CTPS2: variants seen among roughly 807,000 people sequenced by gnomAD.
CTPS2 encodes the protein CTP synthase II.
In CTPS2, 19 loss-of-function variants were observed where a neutral mutation model predicts 46.8. That is an observed-to-expected ratio of 0.41 (90% CI 0.28 to 0.60). The LOEUF (loss-of-function observed/expected upper bound fraction) is 0.60. CTPS2 is among the 20% of genes least tolerant of loss of function. The pLI is 0.35. For missense variants in CTPS2, 286 were observed against 447.6 expected (o/e 0.64, Z 3.26); for synonymous variants, 151 against 165.2 (o/e 0.91, Z 0.66).
chrX:16,683,350 C>T (rs1922893822), intron 8 of CTPS2, 124 bp from the exon 9 acceptor site: 2 of 680,429 alleles, frequency 2.9e-6, no homozygotes, highest in Admixed American at 5.2e-5. Flanking sequence ...GTAGTCCTAG[C>T]TACTCAGGAG....
intron 17 of CTPS2, among the ~76,000 whole-genome samples, chrX:16,595,340 C>A (rs1337129087): frequency 9.0e-6 from 1 of 111,578 alleles, no homozygotes; most frequent in Non-Finnish European, 1.9e-5. Flanking sequence ...GATAGTGTGT[C>A]TCGCTCTGTC....
chrX:16,648,456 T>C (rs1932435932), intron 13 of CTPS2, among the ~76,000 whole-genome samples: 1 of 112,311 alleles, frequency 8.9e-6, no homozygotes, highest in East Asian at 2.8e-4. Flanking sequence ...TTCTTGCCAC[T>C]TTTCTGTAGA....
At chrX:16,620,866 T>A (rs1230863128) in intron 14 of CTPS2, among the ~76,000 whole-genome samples, 1 of 112,172 alleles carries the variant, frequency 8.9e-6, no homozygotes, top group African/African-American at 3.2e-5. Context: ...ACATTCAAAA[T>A]GTACTCCACC....
intron 14 of CTPS2, among the ~76,000 whole-genome samples, chrX:16,625,922 C>T (rs972609591): frequency 2.7e-5 from 3 of 111,025 alleles, no homozygotes; most frequent in Non-Finnish European, 3.8e-5. Context: ...GGGGGCATGG[C>T]GGGCCAAAAG....
At chrX:16,694,434 C>T (rs1165048747) in intron 4 of CTPS2, among the ~76,000 whole-genome samples, 3 of 111,452 alleles carry the variant, frequency 2.7e-5, no homozygotes, top group African/African-American at 9.8e-5. Context: ...GACTCTGACC[C>T]CCCACCTAAA....
chrX:16,691,421 A>G, intron 7 of CTPS2, 119 bp downstream of exon 7: 1 of 561,507 alleles, frequency 1.8e-6, no homozygotes, highest in Non-Finnish European at 3.0e-6. Context: ...TGGTTGGATC[A>G]GGGTTCCCCA....
intron 14 of CTPS2, among the ~76,000 whole-genome samples, chrX:16,620,744 G>A (rs1930781309): frequency 8.9e-6 from 1 of 112,100 alleles, no homozygotes; most frequent in Non-Finnish European, 1.9e-5. Flanking sequence ...CTTGCCCAAA[G>A]CCCTGCCTTG....
intron 1 of CTPS2, among the ~76,000 whole-genome samples, chrX:16,711,160 A>G (rs1925439672): frequency 8.9e-6 from 1 of 112,500 alleles, no homozygotes; most frequent in African/African-American, 3.2e-5. Context: ...TTAAGTTTCT[A>G]GTAGCCATAT....
At chrX:16,635,172 T>C (rs749227340) in intron 14 of CTPS2, among the ~76,000 whole-genome samples, 2 of 112,008 alleles carry the variant, frequency 1.8e-5, no homozygotes, top group South Asian at 3.7e-4. Flanking sequence ...AAATTGTTAA[T>C]TGTTTTCACA....
intron 7 of CTPS2, among the ~76,000 whole-genome samples, chrX:16,690,090 G>C (rs774559779): frequency 1.1e-4 from 12 of 109,316 alleles, no homozygotes; most frequent in Non-Finnish European, 1.9e-4. Flanking sequence ...GATTGGACAG[G>C]TCAGGTGTGG....
intron 11 of CTPS2, among the ~76,000 whole-genome samples, chrX:16,668,651 TGGAAGGAA>T (rs201215209): frequency 1.2e-4 from 8 of 66,799 alleles, no homozygotes; most frequent in Non-Finnish European, 1.1e-4. Context: ...GAAGGAAGGA[TGGAAGGAA>T]GGAAGGAAGG....
intron 4 of CTPS2, among the ~76,000 whole-genome samples, chrX:16,694,782 A>G (rs6527711): frequency 0.55 from 61,799 of 111,530 alleles, 13,792 homozygotes; most frequent in African/African-American, 0.86. Context: ...TCACTTGAGC[A>G]CAGGAGTTTG....
chrX:16,670,816 C>CA, intron 10 of CTPS2, 142 bp from the exon 11 acceptor site: 1 of 390,945 alleles, frequency 2.6e-6, no homozygotes, highest in Non-Finnish European at 4.3e-6. Context: ...TATGACTTCA[C>CA]ACCCTGAACT....
rs374111645 is a variant in CTPS2, at chrX:16,656,657, G to A, written c.1296+10857C>T. 1.2e-4 allele frequency among the ~76,000 whole-genome samples: 13 copies of A among 111,519 alleles called. 1 individual carries two copies. The South Asian group carries it at 1.5e-3, about 13-fold the overall frequency. On this transcript the variant is annotated intron_variant, in intron 13 of 18. Transcript: ENST00000359276. ...TCTCGATCTCCTGACCTTGTGATCC[G>A]CTCGTCTCGGCCTCCCAAAGTGCTG... is the stretch of plus-strand genomic sequence containing the variant.
chrX:16,603,545 A>G (rs1283494288), intron 17 of CTPS2, among the ~76,000 whole-genome samples: 1 of 111,077 alleles, frequency 9.0e-6, no homozygotes, highest in Non-Finnish European at 1.9e-5. Context: ...TAGGTTTGCA[A>G]GTTTTCAAAA....
At chrX:16,614,557 C>T (rs1288325379) in intron 16 of CTPS2, among the ~76,000 whole-genome samples, 1 of 112,377 alleles carries the variant, frequency 8.9e-6, no homozygotes, top group Non-Finnish European at 1.9e-5. Flanking sequence ...GTAAATATTT[C>T]AGGCTTTGTG....
At chrX:16,695,092 A>G (rs1189757834) in intron 4 of CTPS2, among the ~76,000 whole-genome samples, 1 of 110,890 alleles carries the variant, frequency 9.0e-6, no homozygotes, top group Non-Finnish European at 1.9e-5. Flanking sequence ...GTAAGTACCC[A>G]CTAAATACAA....
chrX:16,673,324 G>A (rs534931216), intron 10 of CTPS2, among the ~76,000 whole-genome samples: 4 of 111,348 alleles, frequency 3.6e-5, no homozygotes, highest in African/African-American at 9.8e-5. Context: ...CCAGCAAACT[G>A]GTCAATAACA....
chrX:16,604,844 G>A (rs1397278035), intron 17 of CTPS2, among the ~76,000 whole-genome samples: 2 of 112,390 alleles, frequency 1.8e-5, no homozygotes, highest in Admixed American at 9.4e-5. Flanking sequence ...CCTTTTATAC[G>A]TGAGACAAAT....
Sources: gnomAD v4.1 joint callset for allele counts (sites outside exome capture counted in the v4.1 genomes callset) on GRCh38, gnomAD v4.1.1 for gene constraint, MANE v1.5 for transcripts, NCBI Gene and HGNC (gene_info 2026-07-23, HGNC 2026-07-21) for gene names.